The following GABRG3 variants were observed in gnomAD, a reference collection of about 807,000 sequenced individuals.
GABRG3 encodes gamma-aminobutyric acid type A receptor subunit gamma3.
In GABRG3, 25 loss-of-function variants were observed where a neutral mutation model predicts 48.8. The observed-to-expected ratio is 0.51, with a 90% CI of 0.37 to 0.72. The LOEUF (loss-of-function observed/expected upper bound fraction) is 0.72. GABRG3 is among the 30% of genes least tolerant of loss of function. GABRG3 has a pLI of 0.00. For synonymous variants in GABRG3, 227 were observed against 217.6 expected, an observed-to-expected ratio of 1.04 and a Z score of -0.38; for missense variants, 394 against 577.9, an observed-to-expected ratio of 0.68 and a Z score of 3.26.
intron 3 of GABRG3, among the ~76,000 whole-genome samples, chr15:27,076,154 C>T (rs1355456885): frequency 6.6e-6 from 1 of 152,028 alleles, no homozygotes; most frequent in Non-Finnish European, 1.5e-5. Flanking sequence ...ACTTTGTTTT[C>T]ATTGGTTGAC....
chr15:27,337,467 C>T (rs1048072402), intron 5 of GABRG3, among the ~76,000 whole-genome samples: 3 of 152,118 alleles, frequency 2.0e-5, no homozygotes, highest in South Asian at 2.1e-4. Flanking sequence ...TATGCTAAGT[C>T]GTAGACACCA....
At chr15:27,306,672 ATAAACATATATATG>A (rs1269963222) in intron 3 of GABRG3, among the ~76,000 whole-genome samples, 138 of 82,180 alleles carry the variant, frequency 1.7e-3, no homozygotes, top group Admixed American at 6.2e-3. Flanking sequence ...ATGTTTATAT[ATAAACATATATATG>A]AACATGTTTA....
intron 5 of GABRG3, among the ~76,000 whole-genome samples, chr15:27,438,146 T>C (rs1888675196): frequency 6.6e-6 from 1 of 152,128 alleles, no homozygotes; most frequent in Non-Finnish European, 1.5e-5. Flanking sequence ...AAGGAGACAG[T>C]CTTCCTGCAT....
intron 5 of GABRG3, among the ~76,000 whole-genome samples, chr15:27,440,921 G>A (rs1462632530): frequency 1.3e-5 from 2 of 152,174 alleles, no homozygotes; most frequent in East Asian, 1.9e-4. Context: ...AGCACAGAGG[G>A]CATGAGATTA....
At chr15:27,278,071 A>G (rs1447356454) in intron 3 of GABRG3, among the ~76,000 whole-genome samples, 2 of 147,964 alleles carry the variant, frequency 1.4e-5, no homozygotes, top group Non-Finnish European at 3.0e-5. Flanking sequence ...TTTTTTTTTG[A>G]AACGTAGTCT....
At chr15:27,065,551 T>G (rs144685220) in intron 3 of GABRG3, among the ~76,000 whole-genome samples, 3 of 152,324 alleles carry the variant, frequency 2.0e-5, no homozygotes, top group Non-Finnish European at 4.4e-5. Context: ...CAATATCCCC[T>G]GGGTTTGGAC....
chr15:27,308,489 C>G (rs1892829581), intron 3 of GABRG3, among the ~76,000 whole-genome samples: 2 of 146,802 alleles, frequency 1.4e-5, no homozygotes, highest in African/African-American at 4.9e-5. Context: ...ATAATGTAAA[C>G]ATACATGTTT....
intron 3 of GABRG3, among the ~76,000 whole-genome samples, chr15:27,247,641 G>A (rs376299032): frequency 3.9e-5 from 6 of 152,192 alleles, no homozygotes; most frequent in Admixed American, 3.9e-4. Context: ...TGCTGGTAAA[G>A]ACGTACTGGA....
At chr15:27,403,914 C>CAAAAAAAAAAAAAA (rs528760544) in intron 5 of GABRG3, among the ~76,000 whole-genome samples, 14 of 67,862 alleles carry the variant, frequency 2.1e-4, no homozygotes, top group East Asian at 3.0e-4. Flanking sequence ...CAAAAAAAAA[C>CAAAAAAAAAAAAAA]AAAAAAAAAA....
rs554679752 is a variant in GABRG3 at position 27,000,425 on chromosome 15, A to G, written c.202+23275A>G. 2.7e-3 allele frequency among the ~76,000 whole-genome samples: 405 copies of G among 152,256 alleles called. 3 individuals carry two copies. The highest frequency in any genetic ancestry group is 4.9e-3 in the Non-Finnish European group (336 of 68,006). ...GAGTCAAGATTTTCCTGAGTACTCTACCCAAAGCTGGTATGCCTTGGTTCT... is the reference window on the plus strand; with the variant it reads ...GAGTCAAGATTTTCCTGAGTACTCTGCCCAAAGCTGGTATGCCTTGGTTCT... On this transcript the variant is annotated intron_variant, in intron 2 of 9. Transcript: ENST00000615808.
chr15:27,465,376 C>A (rs78531472), intron 5 of GABRG3, among the ~76,000 whole-genome samples: 1 of 152,164 alleles, frequency 6.6e-6, no homozygotes, highest in Non-Finnish European at 1.5e-5. Flanking sequence ...TAACCCCTTC[C>A]TACCAGCTCA....
chr15:27,111,965 C>A (rs1300045636), intron 3 of GABRG3, among the ~76,000 whole-genome samples: 1 of 152,272 alleles, frequency 6.6e-6, no homozygotes, highest in Middle Eastern at 3.4e-3. Flanking sequence ...CAGTTACACT[C>A]CCCATTCCTC....
intron 5 of GABRG3, among the ~76,000 whole-genome samples, chr15:27,404,186 A>C (rs1404612133): frequency 6.6e-6 from 1 of 152,104 alleles, no homozygotes; most frequent in African/African-American, 2.4e-5. Context: ...GTGCCACTGC[A>C]CTCTAGCCTG....
At chr15:26,994,200 AT>A (rs1230197312) in intron 2 of GABRG3, among the ~76,000 whole-genome samples, 1 of 151,816 alleles carries the variant, frequency 6.6e-6, no homozygotes, top group Non-Finnish European at 1.5e-5. Flanking sequence ...GTCCATTTAC[AT>A]TCAATGTGAT....
At chr15:27,059,308 C>T (rs925261081) in intron 3 of GABRG3, among the ~76,000 whole-genome samples, 16 of 152,206 alleles carry the variant, frequency 1.1e-4, no homozygotes, top group African/African-American at 3.4e-4. Context: ...GGTTTGGAAG[C>T]GGGGTTCCCA....
At chr15:27,276,899 AC>A (rs530144341) in intron 3 of GABRG3, among the ~76,000 whole-genome samples, 36 of 152,210 alleles carry the variant, frequency 2.4e-4, no homozygotes, top group Non-Finnish European at 4.1e-4. Context: ...GGTAGTACAA[AC>A]ACTTCTATTC....
At chr15:27,423,760 G>A (rs1247663684) in intron 5 of GABRG3, among the ~76,000 whole-genome samples, 4 of 82,068 alleles carry the variant, frequency 4.9e-5, no homozygotes, top group African/African-American at 2.0e-4. Context: ...TAGAGATGAT[G>A]TCTCATTATA....
intron 5 of GABRG3, among the ~76,000 whole-genome samples, chr15:27,470,662 C>G (rs2150840216): frequency 6.6e-6 from 1 of 151,844 alleles, no homozygotes; most frequent in South Asian, 2.1e-4. Context: ...TCTTTATTAG[C>G]ATAATTAGTC....
chr15:27,382,158 C>G (rs1949356960), intron 5 of GABRG3, among the ~76,000 whole-genome samples: 1 of 152,152 alleles, frequency 6.6e-6, no homozygotes, highest in Non-Finnish European at 1.5e-5. Context: ...TTTATTGAGT[C>G]TCTAATGTGC....
Sources: gnomAD v4.1 joint callset for allele counts (sites outside exome capture counted in the v4.1 genomes callset) on GRCh38, gnomAD v4.1.1 for gene constraint, MANE v1.5 for transcripts, NCBI Gene and HGNC (gene_info 2026-07-23, HGNC 2026-07-21) for gene names.